The following RELN variants were observed in gnomAD, a reference collection of about 807,000 sequenced individuals.
RELN encodes the protein reelin.
In RELN, 108 loss-of-function variants were observed where a neutral mutation model predicts 427.6. The ratio of observed to expected loss-of-function variants is 0.25; its 90% CI spans 0.22 to 0.30. The LOEUF (loss-of-function observed/expected upper bound fraction) is 0.30. RELN is among the 10% of genes least tolerant of loss of function. The pLI is 1.00. For missense variants in RELN, 3,715 were observed against 4,302.8 expected (o/e 0.86, Z 3.82); for synonymous variants, 1,524 against 1,513.4 (o/e 1.01, Z -0.16).
chr7:103,561,978 A>AAG, intron 34 of RELN, 25 bp from the exon 35 acceptor site: 1 of 1,552,740 alleles, frequency 6.4e-7, no homozygotes, highest in Non-Finnish European at 8.8e-7. Context: ...AAAAAAAAAA[A>AAG]CACACCACTG....
intron 1 of RELN, among the ~76,000 whole-genome samples, chr7:103,975,999 G>A (rs904230547): frequency 2.0e-5 from 3 of 152,064 alleles, no homozygotes; most frequent in Admixed American, 1.3e-4. Context: ...GTCCTGAGGT[G>A]GATCTGAGCT....
At chr7:103,851,107 A>G (rs1793810858) in intron 2 of RELN, among the ~76,000 whole-genome samples, 1 of 152,254 alleles carries the variant, frequency 6.6e-6, no homozygotes, top group Admixed American at 6.5e-5. Flanking sequence ...ATGACAGGAT[A>G]AAGAAATGGT....
intron 2 of RELN, among the ~76,000 whole-genome samples, chr7:103,901,209 C>T (rs527622709): frequency 6.6e-6 from 1 of 152,084 alleles, no homozygotes; most frequent in African/African-American, 2.4e-5. Context: ...TGAGATACCA[C>T]TTCATGTCTA....
intron 11 of RELN, among the ~76,000 whole-genome samples, chr7:103,671,629 G>GT (rs1368284445): frequency 6.6e-6 from 1 of 152,028 alleles, no homozygotes; most frequent in Admixed American, 6.6e-5. Context: ...TATAATGAGT[G>GT]TTTTTACTTT....
chr7:103,595,745 C>T (rs991347889), intron 25 of RELN, among the ~76,000 whole-genome samples: 1 of 151,202 alleles, frequency 6.6e-6, no homozygotes, highest in Non-Finnish European at 1.5e-5. Context: ...AAAAAGTATT[C>T]TAAAATAATA....
intron 2 of RELN, among the ~76,000 whole-genome samples, chr7:103,871,828 C>A (rs1794342147): frequency 6.6e-6 from 1 of 151,990 alleles, no homozygotes; most frequent in African/African-American, 2.4e-5. Context: ...GAGGGCAATC[C>A]TTGCTTTGCT....
intron 22 of RELN, among the ~76,000 whole-genome samples, chr7:103,605,279 G>A (rs1195182016): frequency 6.6e-6 from 1 of 152,076 alleles, no homozygotes; most frequent in African/African-American, 2.4e-5. Flanking sequence ...TGGGGTTGAG[G>A]GGACATACCA....
intron 46 of RELN, among the ~76,000 whole-genome samples, chr7:103,526,710 T>G (rs1197479797): frequency 6.6e-6 from 1 of 152,160 alleles, no homozygotes; most frequent in Non-Finnish European, 1.5e-5. Flanking sequence ...CTACATCACT[T>G]ATGTTTATGT....
chr7:103,829,982 AG>A (rs1355137105), intron 3 of RELN, among the ~76,000 whole-genome samples: 1 of 152,036 alleles, frequency 6.6e-6, no homozygotes, highest in African/African-American at 2.4e-5. Flanking sequence ...TAGAAAGATC[AG>A]GTAAATGGTA....
At chr7:103,679,608 G>A (rs1833611145) in intron 11 of RELN, among the ~76,000 whole-genome samples, 1 of 152,040 alleles carries the variant, frequency 6.6e-6, no homozygotes, top group African/African-American at 2.4e-5. Context: ...GAGCACCTGA[G>A]TCATTTGGTT....
At chr7:103,862,811 G>A (rs1358862492) in intron 2 of RELN, among the ~76,000 whole-genome samples, 3 of 152,116 alleles carry the variant, frequency 2.0e-5, no homozygotes, top group East Asian at 3.8e-4. Context: ...GGTGACAGGA[G>A]CAGATGGTCT....
At chr7:103,700,648 T>C (rs866109107) in intron 9 of RELN, among the ~76,000 whole-genome samples, 10 of 152,128 alleles carry the variant, frequency 6.6e-5, no homozygotes, top group African/African-American at 1.9e-4. Context: ...AAAAAAGCTA[T>C]GATTGCAAAT....
At chr7:103,833,104 T>C (rs1225145518) in intron 3 of RELN, among the ~76,000 whole-genome samples, 1 of 152,164 alleles carries the variant, frequency 6.6e-6, no homozygotes. Context: ...TATGTCTTTT[T>C]TTGTGATGTG....
chr7:103,500,663 A>G (rs1376479206), intron 53 of RELN, 82 bp downstream of exon 53: 3 of 1,398,062 alleles, frequency 2.1e-6, no homozygotes, highest in Non-Finnish European at 3.0e-6. Context: ...ACATTGTTAT[A>G]GATTATGTCT....
chr7:103,603,897 T>G lies in RELN; in HGVS notation c.3147-407A>C, dbSNP rs558979642. The stretch of plus-strand genomic sequence containing the variant: ...ACATTTTATAGTTCCTCTTTCTGAT[T>G]AAACTATGCCTTTTTTAGAGTCTTT... On this transcript the variant is annotated intron_variant, in intron 23 of 64. Coordinates refer to ENST00000428762, the MANE Select transcript of RELN (RefSeq NM_005045.4). This position sits in a 1 kb window ranked among gnomAD's most constrained non-coding sequence, Gnocchi z 4.3. 6.6e-6 allele frequency among the ~76,000 whole-genome samples: 1 copy of G among 152,292 alleles called. No individual in the cohort carries two copies. Among genetic ancestry groups the G allele is most frequent in the South Asian group, 2.1e-4 (1 of 4,826 alleles).
Position 103,573,231 on chromosome 7 carries a change from G to A in RELN, c.4511+861C>T, listed in dbSNP as rs117150609. 5.9e-4 allele frequency among the ~76,000 whole-genome samples: 90 copies of A among 152,306 alleles called. 1 individual carries two copies. Among genetic ancestry groups the A allele is most frequent in the Non-Finnish European group, 7.6e-4 (52 of 68,026 alleles). On this transcript the variant is annotated intron_variant, in intron 30 of 64. Transcript: ENST00000428762. This position sits in a 1 kb window ranked among gnomAD's most constrained non-coding sequence, Gnocchi z 4.4. ...GCTGGCATTACAGGTGTGAGCTACC[G>A]CATCCAGCCAAGATGAGGAAAAATC...
chr7:103,561,969 A>C lies in RELN; in HGVS notation c.5211-16T>G, dbSNP rs1253136702. The C allele has an allele frequency of 2.5e-6, 4 of 1,605,302 alleles. No individual in the cohort carries two copies. Among genetic ancestry groups the C allele is most frequent in the Non-Finnish European group, 3.4e-6 (4 of 1,175,328 alleles). ...CCTGGGAGAACTAACCAAAAAAAAA[A>C]AAAAAAAAACACACCACTGGTTTGA... On this transcript the variant is annotated splice_polypyrimidine_tract_variant and intron_variant, in intron 34 of 64. Transcript: ENST00000428762.
At chr7:103,622,085 C>G (rs1832233790) in intron 20 of RELN, among the ~76,000 whole-genome samples, 1 of 152,156 alleles carries the variant, frequency 6.6e-6, no homozygotes, top group African/African-American at 2.4e-5. Flanking sequence ...GAAAGAAGCA[C>G]AAATCTAAAC....
At chr7:103,756,446 G>T (rs1791156798) in intron 4 of RELN, among the ~76,000 whole-genome samples, 1 of 152,078 alleles carries the variant, frequency 6.6e-6, no homozygotes, top group Non-Finnish European at 1.5e-5. Flanking sequence ...ACTCATCTTT[G>T]CTCTGAAGAA....
Sources: allele counts gnomAD v4.1 joint callset (sites outside exome capture counted in the v4.1 genomes callset), GRCh38; gene constraint gnomAD v4.1.1; non-coding constraint Gnocchi (gnomAD v3.1); transcripts MANE v1.5; gene names NCBI Gene and HGNC (gene_info 2026-07-23, HGNC 2026-07-21).